Variants in B3GALT1 observed in about 807,000 individuals in gnomAD.
The protein encoded by B3GALT1 is UDP-Gal:betaGlcNAc beta 1,3-galactosyltransferase, polypeptide 1.
B3GALT1 carries 10 observed loss-of-function variants against 23.2 expected under a neutral mutation model. The ratio of observed to expected loss-of-function variants is 0.43; its 90% CI spans 0.27 to 0.73. The LOEUF (loss-of-function observed/expected upper bound fraction) is 0.73, where lower values mean the gene tolerates loss of function less well. B3GALT1 is among the 30% of genes least tolerant of loss of function. B3GALT1 has a pLI of 0.21. For synonymous variants in B3GALT1, 156 were observed against 141.5 expected, an observed-to-expected ratio of 1.10 and a Z score of -0.73; for missense variants, 299 against 405.4, an observed-to-expected ratio of 0.74 and a Z score of 2.25.
chr2:167,679,616 A>T (rs993871418), intron 3 of B3GALT1, among the ~76,000 whole-genome samples: 1 of 152,234 alleles, frequency 6.6e-6, no homozygotes, highest in Non-Finnish European at 1.5e-5. Context: ...GTCATGAGAA[A>T]TCAGAGCTCC....
At chr2:167,542,032 T>A (rs1683541232) in intron 2 of B3GALT1, among the ~76,000 whole-genome samples, 1 of 152,154 alleles carries the variant, frequency 6.6e-6, no homozygotes, top group Non-Finnish European at 1.5e-5. Flanking sequence ...ATTAAATTCT[T>A]TTTTAAGTCC....
intron 3 of B3GALT1, among the ~76,000 whole-genome samples, chr2:167,784,134 C>T (rs1436853685): frequency 6.6e-6 from 1 of 152,166 alleles, no homozygotes; most frequent in African/African-American, 2.4e-5. Flanking sequence ...CCTTCGCTGT[C>T]CCCAGGGTAC....
chr2:167,511,072 C>T lies in B3GALT1; in HGVS notation c.-410+20795C>T, dbSNP rs377211961. On this transcript the variant is annotated intron_variant, in intron 2 of 4. Transcript: ENST00000392690. ...GAAATTTCCATTTCAGTAATTTGCT[C>T]TATGGGATAATCATGGATATACAGA... Among the ~76,000 whole-genome samples, 5 of 152,244 alleles carry T rather than the reference C, an allele frequency of 3.3e-5. No individual in the cohort carries two copies. In the South Asian group the frequency reaches 1.0e-3, roughly 32 times the overall value.
chr2:167,848,141 G>A (rs1237137266), intron 4 of B3GALT1, among the ~76,000 whole-genome samples: 2 of 152,008 alleles, frequency 1.3e-5, no homozygotes, highest in Admixed American at 6.5e-5. Context: ...AATAGATTCC[G>A]AGCAGAATTC....
chr2:167,720,498 C>A (rs553027675), intron 3 of B3GALT1, among the ~76,000 whole-genome samples: 1 of 152,142 alleles, frequency 6.6e-6, no homozygotes, highest in African/African-American at 2.4e-5. Flanking sequence ...TAAAGTAACA[C>A]GGTCACACAA....
chr2:167,867,187 A>C (rs944204809), intron 4 of B3GALT1, among the ~76,000 whole-genome samples: 1 of 152,088 alleles, frequency 6.6e-6, no homozygotes, highest in African/African-American at 2.4e-5. Context: ...TGGCCTCCCA[A>C]AGTGCTGGGA....
intron 1 of B3GALT1, among the ~76,000 whole-genome samples, chr2:167,358,209 A>C (rs1453902055): frequency 6.6e-6 from 1 of 152,218 alleles, no homozygotes; most frequent in Non-Finnish European, 1.5e-5. Flanking sequence ...AGGTCAAGGC[A>C]GAAAAACCAA....
At chr2:167,830,731 AC>A (rs1689330988) in intron 4 of B3GALT1, among the ~76,000 whole-genome samples, 1 of 152,262 alleles carries the variant, frequency 6.6e-6, no homozygotes, top group African/African-American at 2.4e-5. Context: ...CCGTGTTTTC[AC>A]AAATAGCTGA....
chr2:167,714,951 C>T, intron 3 of B3GALT1: 5 of 1,611,570 alleles, frequency 3.1e-6, no homozygotes, highest in Non-Finnish European at 4.2e-6. Flanking sequence ...TTCTCACTTT[C>T]AAAATATATG....
intron 2 of B3GALT1, among the ~76,000 whole-genome samples, chr2:167,613,999 T>G (rs552171908): frequency 6.6e-6 from 1 of 151,836 alleles, no homozygotes; most frequent in South Asian, 2.1e-4. Flanking sequence ...GAGACCAAGC[T>G]TCCATGAACA....
chr2:167,530,584 G>A (rs1431388632), intron 2 of B3GALT1, among the ~76,000 whole-genome samples: 1 of 152,160 alleles, frequency 6.6e-6, no homozygotes, highest in Non-Finnish European at 1.5e-5. Flanking sequence ...ATGTTAAAGT[G>A]ATGCCATAAA....
At chr2:167,805,647 G>A (rs1386695285) in intron 3 of B3GALT1, among the ~76,000 whole-genome samples, 5 of 152,102 alleles carry the variant, frequency 3.3e-5, no homozygotes, top group Admixed American at 3.3e-4. Flanking sequence ...TAGATACGTG[G>A]CATTATTTCT....
chr2:167,654,839 C>T (rs1424806131), intron 3 of B3GALT1, among the ~76,000 whole-genome samples: 1 of 148,648 alleles, frequency 6.7e-6, no homozygotes, highest in Non-Finnish European at 1.5e-5. Flanking sequence ...GACTCTAATT[C>T]TTGACTCTCA....
intron 4 of B3GALT1, chr2:167,862,938 G>T (rs998141601): frequency 6.6e-6 from 1 of 152,142 alleles, no homozygotes; most frequent in Admixed American, 6.5e-5. Flanking sequence ...AAAGTCTTTC[G>T]AGTGTTCCAG....
Position 167,873,207 on chromosome 2 carries a change from A to G in B3GALT1, c.*3187A>G, listed in dbSNP as rs1285127700. On this transcript the variant is annotated 3_prime_UTR_variant, in exon 5 of 5. Transcript: ENST00000392690. ...TTATGCACTGGATAATAACAGTATC[A>G]GTGTCTATGTTCTTAAAGTTCCTTT... 2.0e-5 allele frequency: 3 copies of G among 152,108 alleles called. No homozygotes were observed. Among genetic ancestry groups the G allele is most frequent in the Non-Finnish European group, 2.9e-5 (2 of 68,020 alleles). 9.4% of individuals were successfully genotyped at this position (152,108 alleles called of 1,614,324 possible). A position where few individuals can be genotyped will look rare whatever the true frequency, so the allele number is the denominator to read the frequency against.
At chr2:167,818,587 A>T (rs1394572869) in intron 3 of B3GALT1, among the ~76,000 whole-genome samples, 85 bp from the exon 4 acceptor site, 1 of 152,156 alleles carries the variant, frequency 6.6e-6, no homozygotes, top group Non-Finnish European at 1.5e-5. Flanking sequence ...ATATTTTTTT[A>T]AAGTGGCAGT....
intron 1 of B3GALT1, among the ~76,000 whole-genome samples, chr2:167,319,228 G>C (rs969282151): frequency 6.6e-6 from 1 of 152,068 alleles, no homozygotes; most frequent in Non-Finnish European, 1.5e-5. Context: ...CCTTGACATC[G>C]TTTCTACAAT....
intron 3 of B3GALT1, among the ~76,000 whole-genome samples, chr2:167,711,490 AC>A (rs1352131958): frequency 6.6e-6 from 1 of 152,190 alleles, no homozygotes; most frequent in Non-Finnish European, 1.5e-5. Flanking sequence ...GGAACTACTG[AC>A]TGACAAGAGT....
intron 1 of B3GALT1, among the ~76,000 whole-genome samples, chr2:167,382,036 T>G (rs1051107296): frequency 7.9e-5 from 12 of 152,224 alleles, no homozygotes; most frequent in African/African-American, 2.9e-4. Context: ...GGTGGCTGAT[T>G]GTACAATAGA....
Sources: allele counts gnomAD v4.1 joint callset (sites outside exome capture counted in the v4.1 genomes callset), GRCh38; gene constraint gnomAD v4.1.1; transcripts MANE v1.5; gene names NCBI Gene and HGNC (gene_info 2026-07-23, HGNC 2026-07-21).